CCNG1: variants seen among roughly 807,000 people sequenced by gnomAD.
CCNG1 encodes cyclin-G1.
In CCNG1, 13 loss-of-function variants were observed where a neutral mutation model predicts 30.0. The observed-to-expected ratio is 0.43, with a 90% CI of 0.28 to 0.69. The LOEUF (loss-of-function observed/expected upper bound fraction) is 0.69. CCNG1 is among the 30% of genes least tolerant of loss of function. The pLI is 0.16. For missense variants in CCNG1, 285 were observed against 331.4 expected, an observed-to-expected ratio of 0.86 and a Z score of 1.09; for synonymous variants, 110 against 121.5, an observed-to-expected ratio of 0.91 and a Z score of 0.62.
Position 163,441,963 on chromosome 5 carries a change from A to G in CCNG1, c.596A>G (p.Lys199Arg). The change falls in exon 4 of 7, where the codon AAG becomes AGG. Residue 199 changes from lysine to arginine, a missense_variant and splice_region_variant. By Grantham distance (26) the Lys-to-Arg change is conservative. Transcript: ENST00000340828. ...CHCRIIFSKAKPSVLALSIIA... is the reference protein window; with the variant it reads ...CHCRIIFSKARPSVLALSIIA... ...TGCAGGATCATATTTTCTAAAGCAA[A>G]GGTAAATATTTTATAAAGATTATGC... 6.2e-7 allele frequency: 1 copy of G among 1,604,212 alleles called. No individual in the cohort carries two copies. Among genetic ancestry groups the G allele is most frequent in the Non-Finnish European group, 8.5e-7 (1 of 1,171,494 alleles).
the CCNG1 span, chr5:163,451,355 T>G: frequency 6.6e-6 from 1 of 152,268 alleles, no homozygotes; most frequent in South Asian, 2.1e-4. Flanking sequence ...AGATGGGGAT[T>G]AGATCAGTGG....
chr5:163,450,778 TTATCA>T (rs1758158446), downstream of CCNG1: 3 of 152,310 alleles, frequency 2.0e-5, no homozygotes, highest in South Asian at 6.2e-4. Context: ...ATTAACATAG[TTATCA>T]TATAACCTAA....
chr5:163,450,805 C>G (rs1758159219), downstream of CCNG1: 2 of 152,174 alleles, frequency 1.3e-5, no homozygotes, highest in Admixed American at 1.3e-4. Context: ...AATTCTACTC[C>G]TAGGTAAGAA....
chr5:163,440,995 G>T (rs1459697930), intron 2 of CCNG1, 83 bp from the exon 3 acceptor site: 6 of 1,392,078 alleles, frequency 4.3e-6, no homozygotes, highest in Non-Finnish European at 5.9e-6. Flanking sequence ...AAAATGTTGG[G>T]TCGGAGTTCT....
chr5:163,439,625 C>A, intron 2 of CCNG1, 105 bp downstream of exon 2: 2 of 921,962 alleles, frequency 2.2e-6, no homozygotes, highest in Non-Finnish European at 3.3e-6. Flanking sequence ...TTTTTCAGCA[C>A]GTAGCCAAAA....
At chr5:163,456,381 T>C in the CCNG1 span, among the ~76,000 whole-genome samples, 5 of 152,148 alleles carry the variant, frequency 3.3e-5, no homozygotes, top group South Asian at 2.1e-4. Flanking sequence ...CAAATAATGA[T>C]GACACATCCA....
At chr5:163,439,074 G>C in intron 1 of CCNG1, 183 bp from the exon 2 acceptor site, 1 of 545,946 alleles carries the variant, frequency 1.8e-6, no homozygotes, top group Non-Finnish European at 3.2e-6. Flanking sequence ...ACTCAATTTA[G>C]GATGTGACCA....
At chr5:163,447,853 G>C (rs969308591), downstream of CCNG1, 1 of 152,158 alleles carries the variant, frequency 6.6e-6, no homozygotes, top group Non-Finnish European at 1.5e-5. Context: ...ATACTACAGG[G>C]AAGTCTTAAA....
downstream of CCNG1, chr5:163,448,673 AAAAC>A (rs1047200599): frequency 4.6e-5 from 7 of 152,230 alleles, no homozygotes; most frequent in African/African-American, 7.2e-5. Context: ...ACACAAGGAA[AAAAC>A]AAACAAAAAC....
At position 163,437,683 on chromosome 5, in the gene CCNG1, G is replaced by C. The variant is rs530225346; in HGVS notation, c.-122G>C. On this transcript the variant is annotated 5_prime_UTR_variant, in exon 1 of 7. Transcript: ENST00000340828. ...CACCCAGGACAGTCCCCCTCCCCGG[G>C]CCTCTCTCCTCTTGCCTACGAGTCC... 2 of 152,352 alleles carry C rather than the reference G, an allele frequency of 1.3e-5. No individual in the cohort carries two copies. The highest frequency in any genetic ancestry group is 2.1e-4 in the South Asian group (1 of 4,822). The allele number at this position is 152,352 out of a possible 1,614,324, so 9.4% of individuals were successfully genotyped here.
At position 163,441,916 on chromosome 5, in the gene CCNG1, A is replaced by G; in HGVS notation, c.549A>G (p.Glu183=). The G allele has an allele frequency of 1.2e-6, 2 of 1,609,354 alleles. No individual in the cohort carries two copies. Among genetic ancestry groups the G allele is most frequent in the African/African-American group, 1.3e-5 (1 of 74,952 alleles). The change falls in exon 4 of 7, where the codon GAA becomes GAG. Residue 183 remains glutamate, a synonymous_variant. Transcript: ENST00000340828. The part of the protein sequence containing the change: ...RRNSINFERL[E]AQLKACHCRI... ...ATAGCATTAATTTTGAAAGACTAGA[A>G]GCTCAACTGAAGGCATGTCATTGCA... is the stretch of plus-strand genomic sequence containing the variant.
chr5:163,438,042 C>A (rs1208712965), intron 1 of CCNG1, among the ~76,000 whole-genome samples: 1 of 152,166 alleles, frequency 6.6e-6, no homozygotes, highest in Non-Finnish European at 1.5e-5. Context: ...AGAATGGAAC[C>A]CCTGCAGTTA....
rs973349574 is a variant in CCNG1, at chr5:163,444,405, A to T, written c.*735A>T. On this transcript the variant is annotated 3_prime_UTR_variant, in exon 7 of 7. Coordinates refer to ENST00000340828, the MANE Select transcript of CCNG1 (RefSeq NM_004060.4). ...AACCTACTGCCTCAAACTGAATCCC[A>T]TCAAGAAAACTAGTTTCTATTGTAT... 1 of 152,648 alleles carries T rather than the reference A, an allele frequency of 6.6e-6. No homozygotes were observed. The highest frequency in any genetic ancestry group is 2.4e-5 in the African/African-American group (1 of 41,458). 9.5% of individuals were successfully genotyped at this position (152,648 alleles called of 1,614,324 possible).
intron 3 of CCNG1, 103 bp downstream of exon 3, chr5:163,441,434 G>T: frequency 9.1e-7 from 1 of 1,097,414 alleles, no homozygotes; most frequent in Admixed American, 2.8e-5. Context: ...ATAAAAATAA[G>T]TAAAATGACA....
chr5:163,441,776 T>G (rs1757826818), intron 3 of CCNG1, 110 bp from the exon 4 acceptor site: 1 of 659,728 alleles, frequency 1.5e-6, no homozygotes, highest in Non-Finnish European at 2.7e-6. Flanking sequence ...TTTGCTATGT[T>G]AAGTGTGCAT....
intron 3 of CCNG1, 101 bp from the exon 4 acceptor site, chr5:163,441,785 A>C (rs1308077951): frequency 4.3e-6 from 3 of 700,448 alleles, no homozygotes. Context: ...TTAAGTGTGC[A>C]TAAGCTTTAC....
At chr5:163,453,538 T>C in the CCNG1 span, 1 of 152,916 alleles carries the variant, frequency 6.5e-6, no homozygotes, top group South Asian at 2.1e-4. Flanking sequence ...CACTATAATT[T>C]TGTGTGAATT....
intron 1 of CCNG1, among the ~76,000 whole-genome samples, chr5:163,438,094 C>G (rs1672059405): frequency 6.6e-6 from 1 of 152,158 alleles, no homozygotes; most frequent in Non-Finnish European, 1.5e-5. Context: ...TCCTGCCTTC[C>G]TGTCTTTAGT....
At chr5:163,452,828 C>A in the CCNG1 span, 21 of 152,076 alleles carry the variant, frequency 1.4e-4, no homozygotes, top group Admixed American at 1.2e-3. Context: ...CCATAATTGT[C>A]AAAAGTACTA....
Sources: gnomAD v4.1 joint callset for allele counts (sites outside exome capture counted in the v4.1 genomes callset) on GRCh38, gnomAD v4.1.1 for gene constraint, MANE v1.5 for transcripts, NCBI Gene and HGNC (gene_info 2026-07-23, HGNC 2026-07-21) for gene names.